The following NTM variants were observed in gnomAD, a reference collection of about 807,000 sequenced individuals.
The protein encoded by NTM is neurotrimin, also known as IgLON family member 2.
Under a neutral mutation model 42.1 loss-of-function variants are expected in NTM, and 13 were observed. The ratio of observed to expected loss-of-function variants is 0.31; its 90% CI spans 0.20 to 0.49. The LOEUF (loss-of-function observed/expected upper bound fraction) is 0.49. Ranked by LOEUF, NTM falls within the 20% of genes least tolerant of loss-of-function variation. The pLI is 0.99. For missense variants in NTM, 373 were observed against 452.8 expected (o/e 0.82, Z 1.60); for synonymous variants, 187 against 179.2 (o/e 1.04, Z -0.35).
chr11:131,444,203 C>CAAAAAAAAAAAAAAAAAAAAAA (rs71475757), intron 1 of NTM, among the ~76,000 whole-genome samples: 1 of 49,504 alleles, frequency 2.0e-5, no homozygotes, highest in Admixed American at 3.3e-4. Context: ...AGGTTAGAAC[C>CAAAAAAAAAAAAAAAAAAAAAA]AAAAAAAAAA....
chr11:132,232,086 C>G (rs945419233), intron 4 of NTM, among the ~76,000 whole-genome samples: 1 of 152,190 alleles, frequency 6.6e-6, no homozygotes, highest in African/African-American at 2.4e-5. Context: ...AAAAACTTCA[C>G]GTTGCGTTGT....
chr11:131,476,951 G>A (rs1953005301), intron 1 of NTM, among the ~76,000 whole-genome samples: 1 of 152,082 alleles, frequency 6.6e-6, no homozygotes. Context: ...TATTCTTGTG[G>A]ATGAAAGTGA....
At chr11:132,233,973 A>T (rs1200399888) in intron 4 of NTM, among the ~76,000 whole-genome samples, 1 of 152,168 alleles carries the variant, frequency 6.6e-6, no homozygotes, top group African/African-American at 2.4e-5. Flanking sequence ...GTTGTGCTCC[A>T]GTCGACAGCT....
chr11:131,439,292 G>A (rs537373672), intron 1 of NTM, among the ~76,000 whole-genome samples: 33 of 152,306 alleles, frequency 2.2e-4, no homozygotes, highest in African/African-American at 4.3e-4. Context: ...CAGTCTGTCC[G>A]TTCTCCAAGC....
intron 2 of NTM, among the ~76,000 whole-genome samples, chr11:132,136,938 C>T (rs1032732644): frequency 6.6e-6 from 1 of 152,134 alleles, no homozygotes; most frequent in Non-Finnish European, 1.5e-5. Context: ...CCTTCATAGT[C>T]GCACTAGGCC....
chr11:131,523,223 C>A (rs542363685), intron 1 of NTM, among the ~76,000 whole-genome samples: 1 of 152,204 alleles, frequency 6.6e-6, no homozygotes, highest in African/African-American at 2.4e-5. Context: ...AATGAGTGAA[C>A]AAATAAATGT....
At chr11:132,104,089 G>T (rs1381432945) in intron 2 of NTM, among the ~76,000 whole-genome samples, 1 of 152,150 alleles carries the variant, frequency 6.6e-6, no homozygotes, top group African/African-American at 2.4e-5. Context: ...CGTTGTTGTT[G>T]TTCTATTCCC....
At chr11:132,011,646 C>A (rs371735572) in intron 2 of NTM, among the ~76,000 whole-genome samples, 7 of 152,238 alleles carry the variant, frequency 4.6e-5, no homozygotes, top group African/African-American at 1.7e-4. Context: ...AGTTATAATG[C>A]ACATTTTAAA....
chr11:131,731,008 C>CT lies in NTM; in HGVS notation c.83-180548dup, dbSNP rs201466100. 6.4e-3 allele frequency among the ~76,000 whole-genome samples: 980 copies of CT among 152,102 alleles called. 10 individuals carry two copies. The highest frequency in any genetic ancestry group is 0.01 in the Non-Finnish European group (710 of 67,982). ...TTCAGTGCATAGAACTACGAGGCTG[C>CT]TTTTTTTTCTTACTCTGATGAAATA... On this transcript the variant is annotated intron_variant, in intron 1 of 8. Transcript: ENST00000683400.
intron 4 of NTM, among the ~76,000 whole-genome samples, chr11:132,254,553 G>A (rs78870567): frequency 6.6e-6 from 1 of 151,680 alleles, no homozygotes; most frequent in Non-Finnish European, 1.5e-5. Context: ...TCTACCGCTG[G>A]CCTTCCTTTG....
intron 1 of NTM, among the ~76,000 whole-genome samples, chr11:131,684,513 C>T (rs940166505): frequency 1.3e-5 from 2 of 152,240 alleles, no homozygotes; most frequent in African/African-American, 2.4e-5. Context: ...CTGGGAGGAG[C>T]ATGCCCTTGG....
chr11:131,672,264 C>T (rs1426273272), intron 1 of NTM, among the ~76,000 whole-genome samples: 3 of 152,182 alleles, frequency 2.0e-5, no homozygotes, highest in Non-Finnish European at 2.9e-5. Flanking sequence ...AGCACAGGCC[C>T]GAATGCATTG....
At chr11:132,013,104 G>A (rs2072596781) in intron 2 of NTM, among the ~76,000 whole-genome samples, 1 of 151,348 alleles carries the variant, frequency 6.6e-6, no homozygotes, top group Non-Finnish European at 1.5e-5. Flanking sequence ...TCACTGACAT[G>A]TAGTAAAGGA....
intron 2 of NTM, among the ~76,000 whole-genome samples, chr11:131,980,104 A>C (rs1219675460): frequency 6.6e-6 from 1 of 152,212 alleles, no homozygotes; most frequent in Non-Finnish European, 1.5e-5. Flanking sequence ...TGAGAACTGT[A>C]GGGAAGTGAA....
intron 1 of NTM, among the ~76,000 whole-genome samples, chr11:131,468,995 T>C (rs1012963651): frequency 1.3e-5 from 2 of 152,272 alleles, no homozygotes; most frequent in Admixed American, 1.3e-4. Context: ...AATAAGCAGA[T>C]GGAAAGCGTT....
chr11:132,231,378 G>T (rs2087521256), intron 4 of NTM, among the ~76,000 whole-genome samples: 1 of 152,190 alleles, frequency 6.6e-6, no homozygotes, highest in African/African-American at 2.4e-5. Context: ...GGATTTCAAA[G>T]CCTCATAATT....
At chr11:131,837,679 A>G (rs1565613388) in intron 1 of NTM, among the ~76,000 whole-genome samples, 2 of 151,754 alleles carry the variant, frequency 1.3e-5, no homozygotes, top group Admixed American at 1.3e-4. Context: ...ACGGGCCCCA[A>G]CTCCTGGGTG....
chr11:132,095,136 C>G (rs866948630), intron 2 of NTM, among the ~76,000 whole-genome samples: 1 of 152,194 alleles, frequency 6.6e-6, no homozygotes, highest in Non-Finnish European at 1.5e-5. Context: ...TCACTCTGGG[C>G]ACCTACTTTG....
intron 4 of NTM, among the ~76,000 whole-genome samples, chr11:132,227,108 G>A (rs533842330): frequency 7.2e-5 from 11 of 152,180 alleles, no homozygotes; most frequent in Non-Finnish European, 1.2e-4. Context: ...CGTGAAGGCA[G>A]ACAACAGCTT....
Sources: gnomAD v4.1 joint callset for allele counts (sites outside exome capture counted in the v4.1 genomes callset) on GRCh38, gnomAD v4.1.1 for gene constraint, MANE v1.5 for transcripts, NCBI Gene and HGNC (gene_info 2026-07-23, HGNC 2026-07-21) for gene names.